EDAR: variants seen among roughly 807,000 people sequenced by gnomAD.
EDAR encodes tumor necrosis factor receptor superfamily member EDAR.
In EDAR, 38 loss-of-function variants were observed where a neutral mutation model predicts 51.3. That is an observed-to-expected ratio of 0.74 (90% CI 0.57 to 0.97). EDAR has a LOEUF of 0.97. Ranked by LOEUF, EDAR falls within the 50% of genes least tolerant of loss-of-function variation. The pLI is 0.00. For missense variants in EDAR, 528 were observed against 595.0 expected (o/e 0.89, Z 1.17); for synonymous variants, 227 against 242.1 (o/e 0.94, Z 0.58).
chr2:108,985,142 T>G (rs993845235), intron 1 of EDAR, among the ~76,000 whole-genome samples: 3 of 152,352 alleles, frequency 2.0e-5, no homozygotes, highest in East Asian at 3.9e-4. Flanking sequence ...AGACTAATAC[T>G]GTATCTTATT....
Position 108,896,920 on chromosome 2 carries a change from T to A in EDAR, c.1334A>T (p.His445Leu). The change falls in exon 12 of 12, where the codon CAT becomes CTT. Residue 445 changes from histidine to leucine, a missense_variant. Coordinates refer to ENST00000258443, the MANE Select transcript of EDAR (RefSeq NM_022336.4). ...CAGGCATGCTTTTCAGGATGCAGCATGTGGCTGGGAGGCAGGTGGCACAAC... is the reference window on the plus strand; with the variant it reads ...CAGGCATGCTTTTCAGGATGCAGCAAGTGGCTGGGAGGCAGGTGGCACAAC... ...AGVVPPASQP[H>L]AAS 6.2e-7 allele frequency: 1 copy of A among 1,612,528 alleles called. No homozygotes were observed.
intron 5 of EDAR, among the ~76,000 whole-genome samples, chr2:108,922,753 C>T (rs1232617223): frequency 2.0e-5 from 3 of 152,094 alleles, no homozygotes; most frequent in African/African-American, 4.8e-5. Context: ...TACCTGCCTC[C>T]GTCTCTCCCC....
At chr2:108,938,937 A>G (rs1203149108) in intron 1 of EDAR, among the ~76,000 whole-genome samples, 1 of 151,566 alleles carries the variant, frequency 6.6e-6, no homozygotes, top group Non-Finnish European at 1.5e-5. Flanking sequence ...CCGCCACCAC[A>G]TCCAACTAAT....
intron 1 of EDAR, among the ~76,000 whole-genome samples, chr2:108,983,603 GC>G (rs1380769055): frequency 2.6e-5 from 4 of 152,118 alleles, no homozygotes; most frequent in African/African-American, 9.7e-5. Context: ...TGCCTTGACT[GC>G]CCTGGAGTTC....
chr2:108,897,358 A>C, intron 11 of EDAR, 129 bp from the exon 12 acceptor site: 1 of 902,150 alleles, frequency 1.1e-6, no homozygotes. Flanking sequence ...AACATGCAGA[A>C]AGCCACCTAA....
intron 1 of EDAR, among the ~76,000 whole-genome samples, chr2:108,937,687 ATGTG>A: frequency 6.6e-6 from 1 of 151,084 alleles, no homozygotes; most frequent in Non-Finnish European, 1.5e-5. Context: ...AGTGTATGTG[ATGTG>A]TATGTGTGTG....
At chr2:108,927,889 G>T (rs752437764) in intron 4 of EDAR, among the ~76,000 whole-genome samples, 9 of 152,088 alleles carry the variant, frequency 5.9e-5, no homozygotes, top group Non-Finnish European at 1.3e-4. Context: ...AGACACCTGA[G>T]TATCCTCTTC....
intron 9 of EDAR, among the ~76,000 whole-genome samples, chr2:108,909,967 T>C (rs1696886365): frequency 6.6e-6 from 1 of 152,222 alleles, no homozygotes; most frequent in Non-Finnish European, 1.5e-5. Flanking sequence ...ACAAGCACCT[T>C]GCTCCTGGGC....
intron 10 of EDAR, among the ~76,000 whole-genome samples, chr2:108,907,190 A>C (rs375314221): frequency 6.6e-6 from 1 of 152,254 alleles, no homozygotes; most frequent in Non-Finnish European, 1.5e-5. Context: ...TTAAAAATGC[A>C]TAGAAGAAAA....
In EDAR at chr2:108,906,489, G is replaced by A. The variant is rs1696809475; in HGVS notation, c.964-121C>T. ...CCCAACACCAGAGACGCTGCACACAGCCCCCGTGTCAGCAGCCCAGCCCTG... is the reference window on the plus strand; with the variant it reads ...CCCAACACCAGAGACGCTGCACACAACCCCCGTGTCAGCAGCCCAGCCCTG... On this transcript the variant is annotated intron_variant, in intron 10 of 11. Coordinates refer to ENST00000258443, the MANE Select transcript of EDAR (RefSeq NM_022336.4). The A allele has an allele frequency of 1.4e-5, 14 of 1,015,732 alleles. No individual in the cohort carries two copies. The East Asian group carries it at 3.0e-4, about 22-fold the overall frequency. 62.9% of individuals were successfully genotyped at this position (1,015,732 alleles called of 1,614,324 possible).
chr2:108,983,203 C>A (rs1043436089), intron 1 of EDAR, among the ~76,000 whole-genome samples: 2 of 152,184 alleles, frequency 1.3e-5, no homozygotes, highest in Non-Finnish European at 2.9e-5. Context: ...CCAAAGTGTA[C>A]ACTCTGATTT....
intron 1 of EDAR, among the ~76,000 whole-genome samples, chr2:108,943,796 C>T (rs893263577): frequency 6.6e-6 from 1 of 152,024 alleles, no homozygotes; most frequent in Non-Finnish European, 1.5e-5. Flanking sequence ...TGTGTTGCTC[C>T]GCAGCACACC....
At position 108,983,815 on chromosome 2, in the gene EDAR, C is replaced by T. The variant is rs138442812; in HGVS notation, c.-19+5145G>A. Among the ~76,000 whole-genome samples, 11 of 152,310 alleles carry T rather than the reference C, an allele frequency of 7.2e-5. No individual in the cohort carries two copies. In the East Asian group the frequency reaches 2.1e-3, roughly 29 times the overall value. ...CATGCTGGCCAAGGGCATCAGTGAT[C>T]TCTGAACCCGTTCTCCAACAATTTT... On this transcript the variant is annotated intron_variant, in intron 1 of 11. Coordinates refer to ENST00000258443, the MANE Select transcript of EDAR (RefSeq NM_022336.4).
At chr2:108,937,424 G>C (rs1697495120) in intron 1 of EDAR, among the ~76,000 whole-genome samples, 1 of 152,112 alleles carries the variant, frequency 6.6e-6, no homozygotes, top group African/African-American at 2.4e-5. Flanking sequence ...CTATGTGTGA[G>C]TGTATGTATT....
intron 1 of EDAR, among the ~76,000 whole-genome samples, chr2:108,965,463 T>C (rs1438095679): frequency 7.0e-5 from 1 of 14,268 alleles, no homozygotes; most frequent in Non-Finnish European, 2.0e-4. Context: ...AGATTTCGTC[T>C]CAAAAAAAAA....
rs764011964 is a variant in EDAR, at chr2:108,907,822, C to A, written c.963+38G>T. On this transcript the variant is annotated intron_variant, in intron 10 of 11. Coordinates refer to ENST00000258443, the MANE Select transcript of EDAR (RefSeq NM_022336.4). ...TAGTCTTGCGGCTGTGAGGGAGCCA[C>A]ATCTCACAGCTCATCATGGCACCTG... The A allele has an allele frequency of 5.6e-6, 9 of 1,610,912 alleles. No homozygotes were observed. In the Middle Eastern group the frequency reaches 5.0e-4, roughly 89 times the overall value.
chr2:108,898,989 G>A (rs1024635582), intron 11 of EDAR, among the ~76,000 whole-genome samples: 1 of 152,036 alleles, frequency 6.6e-6, no homozygotes. Flanking sequence ...GGAGAAGAGA[G>A]TGGGACTAAA....
intron 1 of EDAR, among the ~76,000 whole-genome samples, chr2:108,945,711 G>A (rs756830625): frequency 1.3e-5 from 2 of 152,198 alleles, no homozygotes; most frequent in African/African-American, 2.4e-5. Flanking sequence ...GCACACAATG[G>A]AATATTACTC....
intron 1 of EDAR, among the ~76,000 whole-genome samples, chr2:108,950,825 AGGGAT>A (rs996568505): frequency 6.6e-6 from 1 of 152,252 alleles, no homozygotes; most frequent in African/African-American, 2.4e-5. Flanking sequence ...TTCTCAGCAC[AGGGAT>A]GGCCCTACAG....
Sources: gnomAD v4.1 joint callset for allele counts (sites outside exome capture counted in the v4.1 genomes callset) on GRCh38, gnomAD v4.1.1 for gene constraint, MANE v1.5 for transcripts, NCBI Gene and HGNC (gene_info 2026-07-23, HGNC 2026-07-21) for gene names.